The following ZSCAN2 variants were observed in gnomAD, a reference collection of about 807,000 sequenced individuals.
The protein encoded by ZSCAN2 is zinc finger and SCAN domain containing 2.
ZSCAN2 carries 26 observed loss-of-function variants against 47.8 expected under a neutral mutation model. That is an observed-to-expected ratio of 0.54 (90% CI 0.40 to 0.75). The LOEUF is 0.75. Among genes scored for constraint, ZSCAN2 ranks in the 30% least tolerant of loss-of-function variants. The probability of loss-of-function intolerance (pLI) is 0.00; values close to 1 mark genes in which losing one functional copy is unlikely to be tolerated. For synonymous variants in ZSCAN2, 305 were observed against 288.7 expected (o/e 1.06, Z -0.57); for missense variants, 732 against 785.4 (o/e 0.93, Z 0.81).
rs1171205206 is a variant in ZSCAN2, at chr15:84,621,231, C to T, written c.1036C>T (p.Arg346Ter). ...CPECGKSFGNRSSLNTHQGIH... is the reference protein window; with the variant it reads ...CPECGKSFGN ...CGAGTGTGGAAAGAGCTTTGGCAACCGATCCAGCCTTAACACGCATCAGGG... is the reference window on the plus strand; with the variant it reads ...CGAGTGTGGAAAGAGCTTTGGCAACTGATCCAGCCTTAACACGCATCAGGG... The change falls in exon 3 of 3, where the codon CGA (arginine) becomes TGA (stop). Residue 346 changes from arginine to a stop codon, truncating the protein, a stop_gained. Coordinates refer to ENST00000546148, the MANE Select transcript of ZSCAN2 (RefSeq NM_181877.4). LOFTEE classifies it high-confidence loss of function. The surrounding 1 kb of genome is among the most constrained non-coding windows in gnomAD (Gnocchi z 5.7). 27 of 1,611,460 alleles carry T rather than the reference C, an allele frequency of 1.7e-5. No homozygotes were observed. Among genetic ancestry groups the T allele is most frequent in the Non-Finnish European group, 2.0e-5 (24 of 1,179,296 alleles).
intron 2 of ZSCAN2, among the ~76,000 whole-genome samples, chr15:84,610,726 A>G (rs1057481668): frequency 2.0e-5 from 3 of 151,938 alleles, no homozygotes; most frequent in Non-Finnish European, 4.4e-5. Context: ...AACTCAGGCA[A>G]TTCGCCCGCC....
Position 84,620,609 on chromosome 15 carries a change from G to A in ZSCAN2, c.414G>A (p.Glu138=), listed in dbSNP as rs1895793178. ...TTTTCTTCATTGTTTCAGATTTTGA[G>A]ATACAGAGTGAAAATGGGGAGAACT... ...LTQTLQDSDF[E]IQSENGENCN... Residue 138 remains glutamate, a synonymous_variant, in exon 3 of 3, where the codon GAG becomes GAA. Coordinates refer to ENST00000546148, the MANE Select transcript of ZSCAN2 (RefSeq NM_181877.4). The A allele has an allele frequency of 1.3e-6, 2 of 1,598,726 alleles. No homozygotes were observed. Among genetic ancestry groups the A allele is most frequent in the East Asian group, 4.5e-5 (2 of 44,436 alleles).
At chr15:84,616,547 G>A in intron 2 of ZSCAN2, 1 of 1,306,684 alleles carries the variant, frequency 7.7e-7, no homozygotes. Context: ...GCCCTGACAT[G>A]TATTTTGGTG....
intron 2 of ZSCAN2, among the ~76,000 whole-genome samples, chr15:84,609,288 TATATG>T (rs948342297): frequency 2.0e-5 from 3 of 151,392 alleles, no homozygotes; most frequent in African/African-American, 4.8e-5. Flanking sequence ...ATATATATCA[TATATG>T]ATATATGAGA....
At position 84,622,088 on chromosome 15, in the gene ZSCAN2, A is replaced by G. The variant is rs769789704; in HGVS notation, c.*48A>G. 6.8e-7 allele frequency: 1 copy of G among 1,467,662 alleles called. No homozygotes were observed. Among genetic ancestry groups the G allele is most frequent in the Non-Finnish European group, 9.3e-7 (1 of 1,076,524 alleles). 90.9% of individuals were successfully genotyped at this position (1,467,662 alleles called of 1,614,324 possible). A position where few individuals can be genotyped will look rare whatever the true frequency, so the allele number is the denominator to read the frequency against. On this transcript the variant is annotated 3_prime_UTR_variant, in exon 3 of 3. Coordinates refer to ENST00000546148, the MANE Select transcript of ZSCAN2 (RefSeq NM_181877.4). ...GGACTGGCCTGGAGTGGGAGTTGCC[A>G]CACTGCCCCAACAGTGATTCCCTTT...
chr15:84,616,427 A>G (rs974846792), intron 2 of ZSCAN2: 1 of 1,574,870 alleles, frequency 6.3e-7, no homozygotes, highest in African/African-American at 1.4e-5. Flanking sequence ...ACAGGAAGTG[A>G]TTTTCTGCCT....
chr15:84,610,163 G>A (rs760845172), intron 2 of ZSCAN2, among the ~76,000 whole-genome samples: 2 of 152,228 alleles, frequency 1.3e-5, no homozygotes, highest in African/African-American at 2.4e-5. Context: ...GACTGTTCCA[G>A]TGAATGATTT....
At chr15:84,616,353 C>T (rs1341226839) in intron 2 of ZSCAN2, 1 of 1,608,534 alleles carries the variant, frequency 6.2e-7, no homozygotes, top group Non-Finnish European at 8.5e-7. Flanking sequence ...ATTCCAGTTG[C>T]AGCCTCACCT....
Position 84,603,811 on chromosome 15 carries a change from G to T in ZSCAN2, c.-108-9G>T. 7 of 1,252,444 alleles carry T rather than the reference G, an allele frequency of 5.6e-6. No individual in the cohort carries two copies. The Admixed American group carries it at 9.8e-5, about 17-fold the overall frequency. 77.6% of individuals were successfully genotyped at this position (1,252,444 alleles called of 1,614,324 possible). On this transcript the variant is annotated splice_polypyrimidine_tract_variant and intron_variant, in intron 1 of 2. Coordinates refer to ENST00000546148, the MANE Select transcript of ZSCAN2 (RefSeq NM_181877.4). ...CCTATGGATTATGGTTCTCTTTTTT[G>T]TTTCTCAGCGGGACTACTTGTTGAT...
chr15:84,621,511 C>T lies in ZSCAN2; in HGVS notation c.1316C>T (p.Thr439Ile), dbSNP rs1462105735. ...RSSNLATHRR[T>I]HMVEKPYKCG... ...TCTAACCTGGCCACACACCGGAGAA[C>T]CCACATGGTGGAGAAGCCCTATAAG... Residue 439 changes from threonine to isoleucine, a missense_variant, in exon 3 of 3, where the codon ACC (threonine) becomes ATC (isoleucine). Thr to Ile is a moderately conservative substitution (Grantham distance 89, BLOSUM62 -1). This residue lies in a region of ZSCAN2 where 412 missense variants were observed against 498.0 expected (regional missense o/e 0.83). Transcript: ENST00000546148. The surrounding 1 kb of genome is among the most constrained non-coding windows in gnomAD (Gnocchi z 5.7). 2 of 1,613,720 alleles carry T rather than the reference C, an allele frequency of 1.2e-6. No homozygotes were observed. The highest frequency in any genetic ancestry group is 1.7e-6 in the Non-Finnish European group (2 of 1,179,976).
intron 2 of ZSCAN2, among the ~76,000 whole-genome samples, chr15:84,610,804 T>G (rs1317641363): frequency 6.6e-6 from 1 of 152,022 alleles, no homozygotes; most frequent in Non-Finnish European, 1.5e-5. Context: ...AAGTGTTTCA[T>G]ATAAAAAACG....
Position 84,604,297 on chromosome 15 carries a change from C to T in ZSCAN2, c.370C>T (p.Leu124=). The T allele has an allele frequency of 6.2e-7, 1 of 1,613,386 alleles. No individual in the cohort carries two copies. The change falls in exon 2 of 3, where the codon CTG becomes TTG. Residue 124 remains leucine (L), a synonymous_variant. Transcript: ENST00000546148. ...RPESSEEAAA[L]VEDLTQTLQD... ...TGAAAGCAGTGAGGAGGCAGCGGCC[C>T]TGGTGGAAGACTTGACCCAGACCCT... is the stretch of plus-strand genomic sequence containing the variant.
At chr15:84,603,189 G>C (rs67152013) in intron 1 of ZSCAN2, among the ~76,000 whole-genome samples, 11,533 of 152,064 alleles carry the variant, frequency 0.076, 516 homozygotes, top group African/African-American at 0.094. Flanking sequence ...TTATTAGGTG[G>C]TCACCGAGTT....
intron 2 of ZSCAN2, among the ~76,000 whole-genome samples, chr15:84,608,747 T>G (rs1367845450): frequency 6.6e-6 from 1 of 152,020 alleles, no homozygotes; most frequent in East Asian, 1.9e-4. Flanking sequence ...GCAAGGGAGT[T>G]TTGAAAGTGC....
At chr15:84,613,452 G>A (rs944484419) in intron 2 of ZSCAN2, among the ~76,000 whole-genome samples, 10 of 150,702 alleles carry the variant, frequency 6.6e-5, no homozygotes, top group Admixed American at 2.7e-4. Flanking sequence ...TCCCAAGTAG[G>A]TGGGATTACA....
intron 2 of ZSCAN2, among the ~76,000 whole-genome samples, chr15:84,610,618 G>A (rs1487850104): frequency 6.6e-6 from 1 of 151,594 alleles, no homozygotes; most frequent in African/African-American, 2.4e-5. Flanking sequence ...TCCCGAGTAG[G>A]TGGGACTACA....
chr15:84,603,833 T>G lies in ZSCAN2; in HGVS notation c.-95T>G. ...TTTGTTTCTCAGCGGGACTACTTGTTGATATTTGAGGAGGGAAGTGTCTTA... is the reference window on the plus strand; with the variant it reads ...TTTGTTTCTCAGCGGGACTACTTGTGGATATTTGAGGAGGGAAGTGTCTTA... On this transcript the variant is annotated 5_prime_UTR_variant, in exon 2 of 3. Coordinates refer to ENST00000546148, the MANE Select transcript of ZSCAN2 (RefSeq NM_181877.4). 3.6e-6 allele frequency: 5 copies of G among 1,404,662 alleles called. No homozygotes were observed. Among genetic ancestry groups the G allele is most frequent in the Non-Finnish European group, 3.9e-6 (4 of 1,030,480 alleles). 87.0% of individuals were successfully genotyped at this position (1,404,662 alleles called of 1,614,324 possible).
intron 2 of ZSCAN2, among the ~76,000 whole-genome samples, chr15:84,609,913 C>T (rs1895494854): frequency 6.6e-6 from 1 of 152,232 alleles, no homozygotes; most frequent in Non-Finnish European, 1.5e-5. Flanking sequence ...CCCCTATTGA[C>T]ATGAGTCTTC....
rs1273967772 is a variant in ZSCAN2, at chr15:84,622,009, A to G, written c.1814A>G (p.Gln605Arg). The G allele has an allele frequency of 9.3e-6, 15 of 1,609,538 alleles. No individual in the cohort carries two copies. The highest frequency in any genetic ancestry group is 1.7e-5 in the Admixed American group (1 of 59,480). ...FSNSSNFITH[Q>R]RTHMKEKLY ...AACAGCTCTAACTTTATCACACATC[A>G]GAGAACTCACATGAAAGAGAAACTT... Residue 605 changes from glutamine to arginine, a missense_variant, in exon 3 of 3, where the codon CAG (glutamine) becomes CGG (arginine). Gln to Arg is a conservative substitution (Grantham distance 43). Coordinates refer to ENST00000546148, the MANE Select transcript of ZSCAN2 (RefSeq NM_181877.4).
Sources: gnomAD v4.1 joint callset for allele counts (sites outside exome capture counted in the v4.1 genomes callset) on GRCh38, gnomAD v4.1.1 for gene constraint, gnomAD v4.1.1 regional missense constraint, Gnocchi (gnomAD v3.1) non-coding constraint, MANE v1.5 for transcripts, NCBI Gene and HGNC (gene_info 2026-07-23, HGNC 2026-07-21) for gene names.